Variants in TAFA2 observed in about 807,000 individuals in gnomAD.
The protein encoded by TAFA2 is chemokine-like protein TAFA-2.
In TAFA2, 7 loss-of-function variants were observed where a neutral mutation model predicts 18.8. The ratio of observed to expected loss-of-function variants is 0.37; its 90% CI spans 0.21 to 0.70. The LOEUF (loss-of-function observed/expected upper bound fraction) is 0.70. Ranked by LOEUF, TAFA2 falls within the 30% of genes least tolerant of loss-of-function variation. TAFA2 has a pLI of 0.53. For synonymous variants in TAFA2, 60 were observed against 54.2 expected (o/e 1.11, Z -0.47); for missense variants, 122 against 158.1 (o/e 0.77, Z 1.23).
At chr12:62,165,939 T>TCTCACACACA (rs1555195377) in intron 1 of TAFA2, among the ~76,000 whole-genome samples, 5 of 139,448 alleles carry the variant, frequency 3.6e-5, no homozygotes, top group Admixed American at 1.5e-4. Flanking sequence ...TCTCTCTCTC[T>TCTCACACACA]CACACACACA....
intron 1 of TAFA2, chr12:62,021,989 A>G: frequency 1.5e-6 from 1 of 677,756 alleles, no homozygotes; most frequent in East Asian, 3.2e-5. Context: ...TAACGCAGAG[A>G]CTCTGCCTGG....
At chr12:61,774,982 A>G (rs1870194516) in intron 2 of TAFA2, among the ~76,000 whole-genome samples, 1 of 151,902 alleles carries the variant, frequency 6.6e-6, no homozygotes, top group Non-Finnish European at 1.5e-5. Context: ...CAATAAGAAC[A>G]CAACTCAAGT....
intron 2 of TAFA2, among the ~76,000 whole-genome samples, chr12:61,810,392 T>C (rs989506284): frequency 6.6e-6 from 1 of 151,184 alleles, no homozygotes; most frequent in African/African-American, 2.5e-5. Context: ...ATATTTCCAC[T>C]TATTAAGTAC....
intron 1 of TAFA2, among the ~76,000 whole-genome samples, chr12:62,110,048 T>A (rs1869650392): frequency 6.7e-6 from 1 of 150,254 alleles, no homozygotes; most frequent in Non-Finnish European, 1.5e-5. Flanking sequence ...GGCATCCTTG[T>A]CATGTTTTCG....
chr12:61,732,204 A>C (rs571056246), intron 4 of TAFA2, among the ~76,000 whole-genome samples: 80 of 151,992 alleles, frequency 5.3e-4, no homozygotes, highest in African/African-American at 1.9e-3. Context: ...AGAGCATTTT[A>C]GGCAGAGGTA....
chr12:61,906,120 A>C (rs2121329633), intron 1 of TAFA2, among the ~76,000 whole-genome samples: 1 of 152,368 alleles, frequency 6.6e-6, no homozygotes, highest in East Asian at 1.9e-4. Flanking sequence ...CAAATACAAA[A>C]GAGCCACATG....
Position 61,708,481 on chromosome 12 carries a change from AC to A in TAFA2, c.*1924del, listed in dbSNP as rs1272275313. On this transcript the variant is annotated 3_prime_UTR_variant, in exon 5 of 5. Coordinates refer to ENST00000416284, the MANE Select transcript of TAFA2 (RefSeq NM_178539.5). ...CATGATGTATAATTTCAAATCTCAA[AC>A]AAACCTAGGACAAATTCATAATTTC... 1 of 152,124 alleles carries A rather than the reference AC, an allele frequency of 6.6e-6. No individual in the cohort carries two copies. Among genetic ancestry groups the A allele is most frequent in the Non-Finnish European group, 1.5e-5 (1 of 67,988 alleles). The allele number at this position is 152,124 out of a possible 1,614,324, so 9.4% of individuals were successfully genotyped here.
intron 1 of TAFA2, chr12:61,880,255 C>G: frequency 2.1e-6 from 1 of 478,988 alleles, no homozygotes; most frequent in Non-Finnish European, 4.1e-6. Context: ...CCGAGATGAA[C>G]CAGAATGTCA....
At chr12:61,731,475 A>AT (rs1327718139) in intron 4 of TAFA2, among the ~76,000 whole-genome samples, 1 of 152,056 alleles carries the variant, frequency 6.6e-6, no homozygotes, top group Non-Finnish European at 1.5e-5. Flanking sequence ...AGTACAACAC[A>AT]TTTTTTGGCT....
chr12:62,166,874 G>A (rs1279805916), intron 1 of TAFA2, among the ~76,000 whole-genome samples: 2 of 152,142 alleles, frequency 1.3e-5, no homozygotes, highest in African/African-American at 2.4e-5. Context: ...ATACACGCCA[G>A]TGAAATAAAA....
At chr12:62,228,658 G>C (rs542073869) in intron 1 of TAFA2, among the ~76,000 whole-genome samples, 1 of 152,258 alleles carries the variant, frequency 6.6e-6, no homozygotes, top group South Asian at 2.1e-4. Flanking sequence ...CTCAGGTAGT[G>C]TGATATCTCC....
At chr12:62,110,996 T>G (rs920200490) in intron 1 of TAFA2, among the ~76,000 whole-genome samples, 4 of 152,174 alleles carry the variant, frequency 2.6e-5, no homozygotes, top group African/African-American at 9.7e-5. Flanking sequence ...CCTTCAGTTC[T>G]GCTCTCATCT....
intron 1 of TAFA2, among the ~76,000 whole-genome samples, chr12:62,015,718 A>T (rs894405419): frequency 1.3e-5 from 2 of 152,246 alleles, no homozygotes; most frequent in Non-Finnish European, 2.9e-5. Flanking sequence ...ACATCCTCAC[A>T]TAGATCCAGC....
intron 1 of TAFA2, among the ~76,000 whole-genome samples, chr12:62,097,069 T>C (rs1446555890): frequency 1.3e-5 from 2 of 152,154 alleles, no homozygotes; most frequent in African/African-American, 4.8e-5. Flanking sequence ...AATTCCACAA[T>C]TCTGCTTCTG....
chr12:61,941,858 C>A (rs945170838), intron 1 of TAFA2, among the ~76,000 whole-genome samples: 11 of 151,904 alleles, frequency 7.2e-5, no homozygotes, highest in African/African-American at 2.7e-4. Flanking sequence ...AACTGCAAGG[C>A]GGCAGCGAGG....
At position 62,142,037 on chromosome 12, in the gene TAFA2, C is replaced by T. The variant is rs2062244241; in HGVS notation, c.-2+49222G>A. On this transcript the variant is annotated intron_variant, in intron 1 of 4. Transcript: ENST00000416284. ...ATCACACGGTCTCCTCACCATCCAA[C>T]AGGGAAGCACCTTTATGTTCATATG... Among the ~76,000 whole-genome samples the T allele has an allele frequency of 2.0e-5, 3 of 152,214 alleles. No homozygotes were observed. In the South Asian group the frequency reaches 6.2e-4, roughly 32 times the overall value.
At chr12:61,892,071 G>A (rs1381264194) in intron 1 of TAFA2, among the ~76,000 whole-genome samples, 1 of 151,446 alleles carries the variant, frequency 6.6e-6, no homozygotes, top group African/African-American at 2.4e-5. Context: ...TATGATGATG[G>A]CCTGACCTAC....
At chr12:61,884,870 A>C (rs1310761200) in intron 1 of TAFA2, among the ~76,000 whole-genome samples, 1 of 152,188 alleles carries the variant, frequency 6.6e-6, no homozygotes, top group Non-Finnish European at 1.5e-5. Flanking sequence ...AAATAAAATA[A>C]GAAAAACAAA....
intron 1 of TAFA2, among the ~76,000 whole-genome samples, chr12:62,224,120 C>CA (rs1198299530): frequency 1.1e-4 from 16 of 144,636 alleles, no homozygotes; most frequent in Admixed American, 1.1e-3. Flanking sequence ...CACACACACA[C>CA]AATGGAATAT....
Sources: allele counts gnomAD v4.1 joint callset (sites outside exome capture counted in the v4.1 genomes callset), GRCh38; gene constraint gnomAD v4.1.1; transcripts MANE v1.5; gene names NCBI Gene and HGNC (gene_info 2026-07-23, HGNC 2026-07-21).